The following SORCS1 variants were observed in gnomAD, a reference collection of about 807,000 sequenced individuals.
The protein encoded by SORCS1 is sortilin related VPS10 domain containing receptor 1.
A neutral mutation model predicts 146.1 loss-of-function variants in SORCS1; 60 were observed. The ratio of observed to expected loss-of-function variants is 0.41; its 90% CI spans 0.33 to 0.51. The LOEUF is 0.51. SORCS1 is among the 20% of genes least tolerant of loss of function. The probability of loss-of-function intolerance (pLI) is 0.21; values close to 1 mark genes in which losing one functional copy is unlikely to be tolerated. For synonymous variants in SORCS1, 637 were observed against 584.0 expected (o/e 1.09, Z -1.31); for missense variants, 1,352 against 1,487.6 (o/e 0.91, Z 1.50).
chr10:106,618,203 G>A lies in SORCS1; in HGVS notation c.2866C>T (p.Gln956Ter). Residue 956 changes from glutamine to a stop codon, truncating the protein, a stop_gained, in exon 21 of 26, where the codon CAG becomes TAG. Coordinates refer to ENST00000263054, the MANE Select transcript of SORCS1 (RefSeq NM_052918.5). LOFTEE classifies it high-confidence loss of function. ...TSEGMNTITV[Q>*]VSAGNAILQD... ...AGGATGGCATTCCCAGCTGAGACCT[G>A]CACTGTGATGGTATTCATTCCTTCT... The A allele has an allele frequency of 1.9e-6, 3 of 1,614,084 alleles. No individual in the cohort carries two copies. The highest frequency in any genetic ancestry group is 2.5e-6 in the Non-Finnish European group (3 of 1,179,966).
intron 1 of SORCS1, among the ~76,000 whole-genome samples, chr10:106,992,155 C>T (rs944514882): frequency 3.9e-5 from 6 of 152,070 alleles, no homozygotes; most frequent in Admixed American, 2.0e-4. Context: ...ATTTACTTCT[C>T]GGTACACACC....
At chr10:106,753,057 T>C (rs1858375962) in intron 5 of SORCS1, among the ~76,000 whole-genome samples, 1 of 151,948 alleles carries the variant, frequency 6.6e-6, no homozygotes, top group Non-Finnish European at 1.5e-5. Flanking sequence ...GAGTAAGAGA[T>C]GAGGCAGAGT....
At chr10:106,963,541 C>T (rs934310468) in intron 1 of SORCS1, among the ~76,000 whole-genome samples, 24 of 152,150 alleles carry the variant, frequency 1.6e-4, no homozygotes, top group Non-Finnish European at 2.8e-4. Flanking sequence ...ATTTATTTGA[C>T]TTTCCAACTT....
intron 1 of SORCS1, among the ~76,000 whole-genome samples, chr10:106,977,900 C>T (rs963726262): frequency 6.6e-6 from 1 of 152,190 alleles, no homozygotes; most frequent in Non-Finnish European, 1.5e-5. Context: ...AAAATGGTAG[C>T]ACATTCCCAA....
chr10:107,002,248 C>T (rs150382967), intron 1 of SORCS1, among the ~76,000 whole-genome samples: 3 of 152,316 alleles, frequency 2.0e-5, no homozygotes, highest in African/African-American at 7.2e-5. Flanking sequence ...TAAAATGTTA[C>T]ATTTTTCATG....
At chr10:106,865,319 T>C (rs1243581000) in intron 2 of SORCS1, among the ~76,000 whole-genome samples, 2 of 152,152 alleles carry the variant, frequency 1.3e-5, no homozygotes, top group Non-Finnish European at 2.9e-5. Flanking sequence ...CAGGCAGCCA[T>C]GTTTGTGGTT....
chr10:106,607,363 T>A, intron 22 of SORCS1, 66 bp from the exon 23 acceptor site: 2 of 1,589,888 alleles, frequency 1.3e-6, no homozygotes, highest in Admixed American at 3.5e-5. Flanking sequence ...GGACCAAGTA[T>A]TTGGTGGGGG....
chr10:106,986,496 GAATA>G (rs904675653), intron 1 of SORCS1, among the ~76,000 whole-genome samples: 17 of 147,286 alleles, frequency 1.2e-4, no homozygotes, highest in Middle Eastern at 3.4e-3. Context: ...TGATTCTTAA[GAATA>G]TATATACAAC....
At chr10:106,878,162 G>C (rs945192096) in intron 2 of SORCS1, among the ~76,000 whole-genome samples, 11 of 121,900 alleles carry the variant, frequency 9.0e-5, no homozygotes, top group Non-Finnish European at 1.7e-4. Flanking sequence ...AGAGCAGACA[G>C]GGCTTTTTTT....
chr10:106,986,709 A>G (rs943135218), intron 1 of SORCS1, among the ~76,000 whole-genome samples: 1 of 152,030 alleles, frequency 6.6e-6, no homozygotes, highest in East Asian at 1.9e-4. Flanking sequence ...GATAATTTCT[A>G]TTCGTCTACA....
intron 1 of SORCS1, among the ~76,000 whole-genome samples, chr10:107,051,808 A>T (rs1960152199): frequency 1.3e-5 from 2 of 152,312 alleles, no homozygotes; most frequent in East Asian, 1.9e-4. Flanking sequence ...AAGACACGCT[A>T]ATTCATGAAA....
At chr10:106,600,439 A>G in intron 23 of SORCS1, 2 of 982,292 alleles carry the variant, frequency 2.0e-6, no homozygotes, top group Non-Finnish European at 2.4e-6. Context: ...TAAAATTTAC[A>G]TTGCATATAA....
At chr10:107,021,261 C>A (rs1157316698) in intron 1 of SORCS1, among the ~76,000 whole-genome samples, 1 of 151,884 alleles carries the variant, frequency 6.6e-6, no homozygotes, top group Non-Finnish European at 1.5e-5. Flanking sequence ...TCCTGTAATC[C>A]CAGCATTTTG....
intron 18 of SORCS1, among the ~76,000 whole-genome samples, chr10:106,635,030 A>G (rs1848650226): frequency 6.6e-6 from 1 of 152,218 alleles, no homozygotes; most frequent in Non-Finnish European, 1.5e-5. Flanking sequence ...AATCCACGTG[A>G]TGATTCTATT....
intron 24 of SORCS1, among the ~76,000 whole-genome samples, chr10:106,590,499 A>G (rs777220253): frequency 1.3e-5 from 2 of 152,208 alleles, no homozygotes; most frequent in African/African-American, 4.8e-5. Context: ...ACTAGGGTCA[A>G]TGAGAAAACT....
chr10:106,850,300 T>G (rs1234646253), intron 2 of SORCS1, among the ~76,000 whole-genome samples: 1 of 152,146 alleles, frequency 6.6e-6, no homozygotes, highest in Non-Finnish European at 1.5e-5. Flanking sequence ...GCGCCGTGTT[T>G]TAAGCCGGTC....
chr10:106,928,579 G>A (rs941695579), intron 2 of SORCS1, among the ~76,000 whole-genome samples: 1 of 152,204 alleles, frequency 6.6e-6, no homozygotes. Context: ...CTTAAGTGCC[G>A]CCAAAGTGGG....
At chr10:106,733,596 CTG>C (rs1465354160) in intron 5 of SORCS1, among the ~76,000 whole-genome samples, 2 of 152,194 alleles carry the variant, frequency 1.3e-5, no homozygotes, top group East Asian at 3.8e-4. Context: ...AGGTAGCATT[CTG>C]TGTGTTTTAA....
chr10:106,669,188 C>A (rs1325082865), intron 16 of SORCS1, among the ~76,000 whole-genome samples: 1 of 151,986 alleles, frequency 6.6e-6, no homozygotes. Flanking sequence ...AATCTAATTG[C>A]CTTCCTTATC....
Sources: gnomAD v4.1 joint callset for allele counts (sites outside exome capture counted in the v4.1 genomes callset) on GRCh38, gnomAD v4.1.1 for gene constraint, MANE v1.5 for transcripts, NCBI Gene and HGNC (gene_info 2026-07-23, HGNC 2026-07-21) for gene names.